The following APBA2 variants were observed in gnomAD, a reference collection of about 807,000 sequenced individuals.
APBA2 encodes amyloid-beta A4 precursor protein-binding family A member 2.
Under a neutral mutation model 75.0 loss-of-function variants are expected in APBA2, and 30 were observed. The observed-to-expected ratio is 0.40, with a 90% confidence interval of 0.30 to 0.54. The LOEUF (loss-of-function observed/expected upper bound fraction) is 0.54, where lower values mean the gene tolerates loss of function less well. APBA2 is among the 20% of genes least tolerant of loss of function. The probability of loss-of-function intolerance (pLI) is 0.49; values close to 1 mark genes in which losing one functional copy is unlikely to be tolerated. For synonymous variants in APBA2, 444 were observed against 409.6 expected, an observed-to-expected ratio of 1.08 and a Z score of -1.01; for missense variants, 801 against 1,016.1, an observed-to-expected ratio of 0.79 and a Z score of 2.88.
At chr15:29,001,968 T>C (rs1414226618) in intron 3 of APBA2, among the ~76,000 whole-genome samples, 2 of 152,186 alleles carry the variant, frequency 1.3e-5, no homozygotes, top group East Asian at 1.9e-4. Flanking sequence ...ATGACATTAG[T>C]GTGCAAGCTG....
chr15:29,035,770 C>T (rs765607462), intron 3 of APBA2, among the ~76,000 whole-genome samples: 2 of 152,210 alleles, frequency 1.3e-5, no homozygotes, highest in Admixed American at 6.5e-5. Flanking sequence ...CACTCCCAGC[C>T]TCCCCCTGAC....
chr15:29,080,924 C>G (rs1046582135), intron 6 of APBA2, among the ~76,000 whole-genome samples: 1 of 152,228 alleles, frequency 6.6e-6, no homozygotes, highest in Non-Finnish European at 1.5e-5. Context: ...AAACCCACCA[C>G]CCCACCAGCA....
chr15:28,970,787 A>G (rs992086009), intron 2 of APBA2, among the ~76,000 whole-genome samples: 1 of 151,928 alleles, frequency 6.6e-6, no homozygotes, highest in African/African-American at 2.4e-5. Context: ...AAAAGCAACA[A>G]CAAGAAAAAA....
chr15:29,117,504 GGGGCA>G lies in APBA2; in HGVS notation c.*378_*382del, dbSNP rs1294928447. On this transcript the variant is annotated 3_prime_UTR_variant, in exon 15 of 15. Transcript: ENST00000683413. ...GGCGCCTCCGAGGGACGCGGCTCCC[GGGGCA>G]GGGCAGCCGTCACCCCTGCCTCCCG... 3.4e-6 allele frequency: 1 copy of G among 290,216 alleles called. No homozygotes were observed. Among genetic ancestry groups the G allele is most frequent in the Non-Finnish European group, 6.6e-6 (1 of 151,480 alleles). The allele number at this position is 290,216 out of a possible 1,614,324, so 18.0% of individuals were successfully genotyped here. A position where few individuals can be genotyped will look rare whatever the true frequency, so the allele number is the denominator to read the frequency against.
chr15:28,972,158 G>C (rs1402345738), intron 2 of APBA2, among the ~76,000 whole-genome samples: 2 of 152,174 alleles, frequency 1.3e-5, no homozygotes, highest in East Asian at 3.8e-4. Flanking sequence ...AGTTACAGCT[G>C]AAAGCACAGT....
Position 29,054,902 on chromosome 15 carries a change from G to A in APBA2, c.951+67G>A, listed in dbSNP as rs964852113. Reference sequence around the variant, plus strand: ...GAGAGCAAGGGACCTCAGGGTACAGGCCTTGCAGATGCTGAAGCGAGGCGG... The same window carrying A: ...GAGAGCAAGGGACCTCAGGGTACAGACCTTGCAGATGCTGAAGCGAGGCGG... On this transcript the variant is annotated intron_variant, in intron 4 of 14. Coordinates refer to ENST00000683413, the MANE Select transcript of APBA2 (RefSeq NM_001353788.2). This position sits in a 1 kb window ranked among gnomAD's most constrained non-coding sequence, Gnocchi z 6.1. 2.0e-6 allele frequency: 3 copies of A among 1,479,808 alleles called. No homozygotes were observed. The highest frequency in any genetic ancestry group is 2.4e-5 in the East Asian group (1 of 42,224). 91.7% of individuals were successfully genotyped at this position (1,479,808 alleles called of 1,614,324 possible).
chr15:29,106,709 G>A lies in APBA2; in HGVS notation c.1807G>A (p.Gly603Ser), dbSNP rs1399356554. Residue 603 changes from glycine (G) to serine (S), a missense_variant, in exon 12 of 15, where the codon GGC (glycine) becomes AGC (serine). Transcript: ENST00000683413. Reference sequence around the variant, plus strand: ...GGTGATCCTGGCCAACATGATGAATGGCGGCCCGGCTGCCCGCTCGGGGAA... The same window carrying A: ...GGTGATCCTGGCCAACATGATGAATAGCGGCCCGGCTGCCCGCTCGGGGAA... ...PTVILANMMNGGPAARSGKLS... is the reference protein window; with the variant it reads ...PTVILANMMNSGPAARSGKLS... 3 of 1,613,052 alleles carry A rather than the reference G, an allele frequency of 1.9e-6. No homozygotes were observed. The highest frequency in any genetic ancestry group is 2.5e-6 in the Non-Finnish European group (3 of 1,180,012).
intron 1 of APBA2, among the ~76,000 whole-genome samples, chr15:28,917,876 T>G (rs569548407): frequency 2.0e-4 from 31 of 152,296 alleles, no homozygotes; most frequent in African/African-American, 5.5e-4. Context: ...GCAGGGGTAC[T>G]GGGGGCCAGC....
In APBA2 at chr15:28,914,644, C is replaced by G; in HGVS notation, c.-204-6996C>G. Among the ~76,000 whole-genome samples the G allele has an allele frequency of 2.0e-5, 3 of 152,136 alleles. 1 individual carries two copies. Among genetic ancestry groups the G allele is most frequent in the Middle Eastern group, 3.4e-3 (1 of 294 alleles). On this transcript the variant is annotated intron_variant, in intron 1 of 14. Transcript: ENST00000683413. The stretch of plus-strand genomic sequence containing the variant: ...AAGGGACTGGTCCTGCCCGCGCACC[C>G]CGGACCTCCCCTGCCCAGGAAAAGT...
Position 29,117,308 on chromosome 15 carries a change from G to T in APBA2, c.*175G>T, listed in dbSNP as rs2045248955. 4.8e-6 allele frequency: 3 copies of T among 625,014 alleles called. No homozygotes were observed. Among genetic ancestry groups the T allele is most frequent in the Non-Finnish European group, 8.5e-6 (3 of 351,992 alleles). 38.7% of individuals were successfully genotyped at this position (625,014 alleles called of 1,614,324 possible). On this transcript the variant is annotated 3_prime_UTR_variant, in exon 15 of 15. Coordinates refer to ENST00000683413, the MANE Select transcript of APBA2 (RefSeq NM_001353788.2). ...ATTTTTTTCATTTTGCCAAAAAGGG[G>T]TATGTCTTTATCAAAGGAGAGTCAC...
Position 29,081,159 on chromosome 15 carries a change from T to A in APBA2, c.1069+5068T>A, listed in dbSNP as rs140398508. Among the ~76,000 whole-genome samples the A allele has an allele frequency of 2.0e-5, 3 of 152,264 alleles. No homozygotes were observed. In the East Asian group the frequency reaches 5.8e-4, roughly 29 times the overall value. ...GGTTTCATACAGTGGGCACATGGGA[T>A]CTGAGACTTAGTTTGCTCTTAAAAT... On this transcript the variant is annotated intron_variant, in intron 6 of 14. Coordinates refer to ENST00000683413, the MANE Select transcript of APBA2 (RefSeq NM_001353788.2).
intron 2 of APBA2, among the ~76,000 whole-genome samples, chr15:28,954,731 G>C (rs2036076786): frequency 6.6e-6 from 1 of 152,174 alleles, no homozygotes; most frequent in Non-Finnish European, 1.5e-5. Flanking sequence ...CTAGGAGTGA[G>C]GGCCTCCTGC....
At chr15:29,097,705 A>C (rs1265220539) in intron 8 of APBA2, among the ~76,000 whole-genome samples, 1 of 152,208 alleles carries the variant, frequency 6.6e-6, no homozygotes, top group South Asian at 2.1e-4. Context: ...ATTTTTAAGA[A>C]TATGAAATAT....
chr15:28,968,773 T>C (rs1397226999), intron 2 of APBA2, among the ~76,000 whole-genome samples: 1 of 152,136 alleles, frequency 6.6e-6, no homozygotes, highest in African/African-American at 2.4e-5. Flanking sequence ...CAGGCCCTAA[T>C]CCAGCATGCC....
intron 2 of APBA2, among the ~76,000 whole-genome samples, chr15:28,980,565 A>G (rs1470835484): frequency 6.6e-6 from 1 of 152,220 alleles, no homozygotes; most frequent in Non-Finnish European, 1.5e-5. Flanking sequence ...ATGGAAAAAC[A>G]TTCTATCCTC....
chr15:29,074,627 T>C (rs2042768093), intron 4 of APBA2, among the ~76,000 whole-genome samples: 1 of 152,222 alleles, frequency 6.6e-6, no homozygotes, highest in Non-Finnish European at 1.5e-5. Flanking sequence ...TTAGTGCCAC[T>C]GAACTGTACA....
At chr15:28,894,049 G>C (rs1481021789) in intron 1 of APBA2, 1 of 152,170 alleles carries the variant, frequency 6.6e-6, no homozygotes. Context: ...AACTCCGTAC[G>C]TGTTACTCCT....
chr15:28,946,879 C>T (rs2035580323), intron 2 of APBA2, among the ~76,000 whole-genome samples: 1 of 152,226 alleles, frequency 6.6e-6, no homozygotes, highest in Non-Finnish European at 1.5e-5. Flanking sequence ...GCACTCAGCC[C>T]TCTGTGGGAT....
intron 4 of APBA2, 146 bp from the exon 5 acceptor site, chr15:29,074,771 GTATA>G: frequency 1.5e-6 from 1 of 666,036 alleles, no homozygotes. Flanking sequence ...AGCAGTTTAA[GTATA>G]ATTAAATAGA....
Sources: allele counts gnomAD v4.1 joint callset (sites outside exome capture counted in the v4.1 genomes callset), GRCh38; gene constraint gnomAD v4.1.1; non-coding constraint Gnocchi (gnomAD v3.1); transcripts MANE v1.5; gene names NCBI Gene and HGNC (gene_info 2026-07-23, HGNC 2026-07-21).